Variants in ROBO2 observed in about 807,000 individuals in gnomAD.
ROBO2 encodes the protein roundabout homolog 2.
A neutral mutation model predicts 160.8 loss-of-function variants in ROBO2; 53 were observed. The ratio of observed to expected loss-of-function variants is 0.33; its 90% CI spans 0.26 to 0.41. The LOEUF (loss-of-function observed/expected upper bound fraction) is 0.41, where lower values mean the gene tolerates loss of function less well. ROBO2 is among the 10% of genes least tolerant of loss of function. The pLI is 1.00. For synonymous variants in ROBO2, 664 were observed against 611.7 expected, an observed-to-expected ratio of 1.09 and a Z score of -1.26; for missense variants, 1,577 against 1,722.4, an observed-to-expected ratio of 0.92 and a Z score of 1.49.
intron 2 of ROBO2, among the ~76,000 whole-genome samples, chr3:76,984,246 T>C (rs928061956): frequency 2.6e-5 from 4 of 152,128 alleles, no homozygotes; most frequent in African/African-American, 4.8e-5. Flanking sequence ...CACACTTGGG[T>C]CAGAAGACTG....
At chr3:76,152,895 A>G (rs993662658) in intron 2 of ROBO2, among the ~76,000 whole-genome samples, 2 of 152,148 alleles carry the variant, frequency 1.3e-5, no homozygotes, top group Non-Finnish European at 2.9e-5. Context: ...ATCGATGTCA[A>G]TTACCAATAT....
intron 2 of ROBO2, among the ~76,000 whole-genome samples, chr3:77,185,467 A>G (rs75691150): frequency 0.075 from 11,415 of 152,022 alleles, 490 homozygotes; most frequent in African/African-American, 0.11. Context: ...ACCACAATGT[A>G]ATACCACGTT....
intron 2 of ROBO2, among the ~76,000 whole-genome samples, chr3:76,054,602 C>T (rs938394211): frequency 1.3e-5 from 2 of 152,164 alleles, no homozygotes; most frequent in Non-Finnish European, 2.9e-5. Context: ...AGTAGGGACA[C>T]ATGGACATAA....
At chr3:76,500,471 G>A (rs1310496203) in intron 2 of ROBO2, among the ~76,000 whole-genome samples, 1 of 152,180 alleles carries the variant, frequency 6.6e-6, no homozygotes, top group Non-Finnish European at 1.5e-5. Flanking sequence ...AAGGGCAGCT[G>A]TGAGGTGATT....
At chr3:77,378,999 G>A (rs1310521464) in intron 2 of ROBO2, among the ~76,000 whole-genome samples, 1 of 151,518 alleles carries the variant, frequency 6.6e-6, no homozygotes, top group African/African-American at 2.4e-5. Context: ...CCAGGCTGGA[G>A]TGCAATGGCG....
chr3:76,154,512 G>T (rs2072329892), intron 2 of ROBO2, among the ~76,000 whole-genome samples: 1 of 152,102 alleles, frequency 6.6e-6, no homozygotes, highest in Non-Finnish European at 1.5e-5. Flanking sequence ...AGATTTGAGA[G>T]AAGATTCTCA....
rs569351244 is a variant in ROBO2, at chr3:76,055,899, C to T, written c.109+118297C>T. ...TCAGCCTCCCAAGTAGCTGGGACTA[C>T]AGGCATGCACCACCACACCTGGCTG... is the stretch of plus-strand genomic sequence containing the variant. On this transcript the variant is annotated intron_variant, in intron 2 of 26. Coordinates refer to the ROBO2 transcript ENST00000487694. Among the ~76,000 whole-genome samples, 11 of 152,236 alleles carry T rather than the reference C, an allele frequency of 7.2e-5. No homozygotes were observed. In the South Asian group the frequency reaches 2.3e-3, roughly 32 times the overall value.
intron 2 of ROBO2, among the ~76,000 whole-genome samples, chr3:77,454,248 T>C (rs959361170): frequency 2.0e-5 from 3 of 152,078 alleles, no homozygotes; most frequent in Non-Finnish European, 2.9e-5. Flanking sequence ...ATAAACAAGA[T>C]TGTGTTTGAG....
intron 2 of ROBO2, among the ~76,000 whole-genome samples, chr3:76,417,339 A>G (rs2075797157): frequency 6.6e-6 from 1 of 152,246 alleles, no homozygotes; most frequent in Admixed American, 6.5e-5. Flanking sequence ...CTGCTTTCAC[A>G]GTGTCCATTC....
At chr3:77,121,075 G>A (rs1579153138) in intron 2 of ROBO2, among the ~76,000 whole-genome samples, 1 of 151,990 alleles carries the variant, frequency 6.6e-6, no homozygotes, top group South Asian at 2.1e-4. Flanking sequence ...CTCCCAAGCA[G>A]CTGGGATTAC....
intron 2 of ROBO2, among the ~76,000 whole-genome samples, chr3:76,441,278 A>C (rs2076914912): frequency 6.6e-6 from 1 of 152,208 alleles, no homozygotes. Flanking sequence ...CTGTGGTACT[A>C]TTCTTCCTTT....
intron 2 of ROBO2, among the ~76,000 whole-genome samples, chr3:76,410,978 G>T (rs1312312920): frequency 6.6e-6 from 1 of 152,004 alleles, no homozygotes; most frequent in African/African-American, 2.4e-5. Flanking sequence ...TACTTTAAAA[G>T]AAGACAAGTT....
chr3:76,088,830 C>T (rs2069117771), intron 2 of ROBO2, among the ~76,000 whole-genome samples: 1 of 151,614 alleles, frequency 6.6e-6, no homozygotes, highest in Admixed American at 6.6e-5. Context: ...AAATTAAATC[C>T]AAAGTAGGCA....
chr3:76,313,126 T>A (rs2071715323), intron 2 of ROBO2, among the ~76,000 whole-genome samples: 1 of 152,234 alleles, frequency 6.6e-6, no homozygotes, highest in Non-Finnish European at 1.5e-5. Context: ...AAAAGAATTC[T>A]GTGTATTTTT....
intron 2 of ROBO2, among the ~76,000 whole-genome samples, chr3:77,397,470 G>T (rs9829207): frequency 6.6e-6 from 1 of 151,984 alleles, no homozygotes; most frequent in African/African-American, 2.4e-5. Flanking sequence ...TACCTAGAAG[G>T]CTCTGTCTCT....
chr3:77,044,124 A>AT (rs1236821018), intron 1 of ROBO2, among the ~76,000 whole-genome samples: 6 of 152,140 alleles, frequency 3.9e-5, no homozygotes, highest in African/African-American at 1.2e-4. Context: ...CATGTGGACC[A>AT]TAAAAAAAAA....
At chr3:76,084,111 G>T (rs534462848) in intron 2 of ROBO2, among the ~76,000 whole-genome samples, 4 of 152,114 alleles carry the variant, frequency 2.6e-5, no homozygotes, top group Non-Finnish European at 5.9e-5. Context: ...GTGCTCTTTC[G>T]TGAGGGAATA....
At chr3:76,103,462 C>T (rs951411642) in intron 2 of ROBO2, among the ~76,000 whole-genome samples, 1 of 152,182 alleles carries the variant, frequency 6.6e-6, no homozygotes, top group Non-Finnish European at 1.5e-5. Context: ...GCACCCTCTG[C>T]TCACAATACA....
chr3:76,488,091 A>C (rs1485093519), intron 2 of ROBO2, among the ~76,000 whole-genome samples: 1 of 152,212 alleles, frequency 6.6e-6, no homozygotes, highest in Non-Finnish European at 1.5e-5. Context: ...GGGTCAACTT[A>C]GGTCCTTTCT....
Sources: gnomAD v4.1 joint callset for allele counts (sites outside exome capture counted in the v4.1 genomes callset) on GRCh38, gnomAD v4.1.1 for gene constraint, MANE v1.5 for transcripts, NCBI Gene and HGNC (gene_info 2026-07-23, HGNC 2026-07-21) for gene names.